The following LRRK1 variants were observed in gnomAD, a reference collection of about 807,000 sequenced individuals.
The protein encoded by LRRK1 is leucine-rich repeat serine/threonine-protein kinase 1.
A neutral mutation model predicts 209.1 loss-of-function variants in LRRK1; 113 were observed. The observed-to-expected ratio is 0.54, with a 90% CI of 0.46 to 0.63. The LOEUF is 0.63. Ranked by LOEUF, LRRK1 falls within the 30% of genes least tolerant of loss-of-function variation. The probability of loss-of-function intolerance (pLI) is 0.00; values close to 1 mark genes in which losing one functional copy is unlikely to be tolerated. For missense variants in LRRK1, 2,284 were observed against 2,632.2 expected (o/e 0.87, Z 2.89); for synonymous variants, 1,144 against 1,099.7 (o/e 1.04, Z -0.80).
rs1333204474 is a variant in LRRK1 at position 101,073,432 on chromosome 15, C to A, written c.*4584C>A. On this transcript the variant is annotated 3_prime_UTR_variant, in exon 34 of 34. Transcript: ENST00000388948. ...TCTGGGGAATGGGCAAGGACCCCAA[C>A]CCCTTCTCTCCGTGTCTCTACCCCT... 4 of 152,368 alleles carry A rather than the reference C, an allele frequency of 2.6e-5. No homozygotes were observed. The East Asian group carries it at 7.7e-4, about 29-fold the overall frequency. 9.4% of individuals were successfully genotyped at this position (152,368 alleles called of 1,614,324 possible).
At chr15:100,971,356 A>G (rs937940358) in intron 2 of LRRK1, among the ~76,000 whole-genome samples, 4 of 147,092 alleles carry the variant, frequency 2.7e-5, no homozygotes, top group East Asian at 1.9e-4. Flanking sequence ...AAAGAAAAGA[A>G]AAAGAAAAAG....
At chr15:101,023,421 G>A (rs557190162) in intron 15 of LRRK1, among the ~76,000 whole-genome samples, 1 of 152,308 alleles carries the variant, frequency 6.6e-6, no homozygotes, top group East Asian at 1.9e-4. Context: ...TCCTGTTCAT[G>A]TAACAGAGAA....
intron 24 of LRRK1, among the ~76,000 whole-genome samples, chr15:101,052,201 GC>G (rs2087175368): frequency 6.6e-6 from 1 of 152,220 alleles, no homozygotes; most frequent in Admixed American, 6.5e-5. Context: ...CTTTGCAAGT[GC>G]AGCCATCCTG....
chr15:101,012,166 T>C, intron 10 of LRRK1, 21 bp downstream of exon 10: 1 of 1,575,922 alleles, frequency 6.3e-7, no homozygotes, highest in South Asian at 1.2e-5. Flanking sequence ...TAGCCCTTTC[T>C]TTCTCATTTT....
chr15:100,974,800 A>G (rs1456336367), intron 3 of LRRK1, among the ~76,000 whole-genome samples: 1 of 152,234 alleles, frequency 6.6e-6, no homozygotes, highest in African/African-American at 2.4e-5. Context: ...TTTTCCAAAA[A>G]TCTTCTACAG....
chr15:101,063,321 G>A (rs938045558), intron 31 of LRRK1, among the ~76,000 whole-genome samples: 2 of 152,104 alleles, frequency 1.3e-5, no homozygotes, highest in East Asian at 1.9e-4. Context: ...TGCTGGGCCC[G>A]GCACCCTCCC....
chr15:101,053,451 G>T (rs766779531), intron 26 of LRRK1, 31 bp downstream of exon 26: 1 of 1,536,502 alleles, frequency 6.5e-7, no homozygotes, highest in Non-Finnish European at 8.7e-7. Flanking sequence ...ACCCGGCCCC[G>T]GAGACCGACA....
Position 101,053,183 on chromosome 15 carries a change from C to G in LRRK1, c.3857-40C>G, listed in dbSNP as rs373904472. The G allele has an allele frequency of 5.6e-6, 9 of 1,595,336 alleles. No homozygotes were observed. The African/African-American group carries it at 8.0e-5, about 14-fold the overall frequency. On this transcript the variant is annotated intron_variant, in intron 25 of 33. Coordinates refer to ENST00000388948, the MANE Select transcript of LRRK1 (RefSeq NM_024652.6). ...TTAGAGAGGCCTGAGGCTGCAGGCA[C>G]CCCATGTCCTACTGGCTGACACTGC...
chr15:100,956,728 G>C (rs1238758818), intron 2 of LRRK1, among the ~76,000 whole-genome samples: 1 of 152,034 alleles, frequency 6.6e-6, no homozygotes, highest in East Asian at 1.9e-4. Flanking sequence ...CTCCCAAAGT[G>C]CTGGGATTGC....
Position 101,014,333 on chromosome 15 carries a change from G to A in LRRK1, c.1437G>A (p.Arg479=). The change falls in exon 11 of 34, where the codon AGG becomes AGA. Residue 479 remains arginine, a synonymous_variant. Coordinates refer to ENST00000388948, the MANE Select transcript of LRRK1 (RefSeq NM_024652.6). ...LFQLDALMFL[R]LQGNQLAALP... ...TCTCTCAGGCCCTCATGTTCTTGAG[G>A]TTACAGGGGAACCAGCTGGCGGCAC... 1 of 1,613,422 alleles carries A rather than the reference G, an allele frequency of 6.2e-7. No homozygotes were observed. Among genetic ancestry groups the A allele is most frequent in the Non-Finnish European group, 8.5e-7 (1 of 1,179,578 alleles).
intron 6 of LRRK1, among the ~76,000 whole-genome samples, chr15:100,989,874 C>G (rs1386730150): frequency 6.6e-6 from 1 of 151,580 alleles, no homozygotes; most frequent in Admixed American, 6.6e-5. Flanking sequence ...TTTTTTTTCT[C>G]TTTTCCTTTT....
chr15:101,065,375 C>T lies in LRRK1; in HGVS notation c.4938C>T (p.Gly1646=), dbSNP rs1307467619. 3 of 1,613,758 alleles carry T rather than the reference C, an allele frequency of 1.9e-6. No individual in the cohort carries two copies. The highest frequency in any genetic ancestry group is 4.5e-5 in the East Asian group (2 of 44,898). ...AGAATTCCTACCTGGTCTTAGCGGG[C>T]CTCGCCGATGGGCTTGTGGCTGTGT... The part of the protein sequence containing the change: ...IKKNSYLVLA[G]LADGLVAVFP... The change falls in exon 32 of 34, where the codon GGC becomes GGT. Residue 1646 remains glycine (G), a synonymous_variant. Transcript: ENST00000388948.
intron 2 of LRRK1, among the ~76,000 whole-genome samples, chr15:100,927,783 T>C (rs2042141100): frequency 6.6e-6 from 1 of 152,254 alleles, no homozygotes; most frequent in African/African-American, 2.4e-5. Context: ...ATACCCATAC[T>C]CAGAGTTTTA....
chr15:100,939,099 A>G (rs28510554), intron 2 of LRRK1, among the ~76,000 whole-genome samples: 29,776 of 152,056 alleles, frequency 0.2, 3,136 homozygotes, highest in South Asian at 0.29. Context: ...ATCTCAAAAT[A>G]AATAAAAAAG....
chr15:101,056,853 C>T lies in LRRK1; in HGVS notation c.4333-3C>T, dbSNP rs747689188. 2 of 1,593,130 alleles carry T rather than the reference C, an allele frequency of 1.3e-6. No homozygotes were observed. Among genetic ancestry groups the T allele is most frequent in the Admixed American group, 1.7e-5 (1 of 57,292 alleles). The stretch of plus-strand genomic sequence containing the variant: ...GACCTGACTTGGCTTGTTCTGTGCC[C>T]AGGTAGATATGTTCTCCTATGGAAT... On this transcript the variant is annotated splice_polypyrimidine_tract_variant and splice_region_variant and intron_variant, in intron 27 of 33. Coordinates refer to ENST00000388948, the MANE Select transcript of LRRK1 (RefSeq NM_024652.6).
At chr15:100,922,239 T>G (rs2042033364) in intron 1 of LRRK1, among the ~76,000 whole-genome samples, 2 of 152,148 alleles carry the variant, frequency 1.3e-5, no homozygotes, top group Admixed American at 1.3e-4. Flanking sequence ...AAAGATCCGT[T>G]TGAGGGCAAA....
At position 101,010,499 on chromosome 15, in the gene LRRK1, G is replaced by A; in HGVS notation, c.1039G>A (p.Gly347Arg). ...SSNKLSHLPP[G>R]FLHLSKLQKL... ...CAACAAGTTGTCCCACCTCCCTCCT[G>A]GATTCTTGCACCTCTCAAAACTTCA... Residue 347 changes from glycine (G) to arginine (R), a missense_variant, in exon 8 of 34, where the codon GGA (glycine) becomes AGA (arginine). By Grantham distance (125) the Gly-to-Arg change is moderately radical. This residue lies in a region of LRRK1 where 494 missense variants were observed against 522.1 expected (regional missense o/e 0.95). Transcript: ENST00000388948. The A allele has an allele frequency of 2.5e-6, 4 of 1,612,180 alleles. No individual in the cohort carries two copies. Among genetic ancestry groups the A allele is most frequent in the Non-Finnish European group, 3.4e-6 (4 of 1,179,564 alleles).
intron 22 of LRRK1, chr15:101,049,397 C>T: frequency 9.3e-6 from 4 of 429,300 alleles, no homozygotes; most frequent in Non-Finnish European, 1.2e-5. Flanking sequence ...ACCTGAGGGT[C>T]AGCTCCCAGG....
At position 101,025,950 on chromosome 15, in the gene LRRK1, G is replaced by T. The variant is rs1196992641; in HGVS notation, c.2233-15G>T. 2.0e-5 allele frequency: 33 copies of T among 1,613,850 alleles called. No individual in the cohort carries two copies. The highest frequency in any genetic ancestry group is 2.5e-5 in the Non-Finnish European group (29 of 1,179,924). On this transcript the variant is annotated splice_polypyrimidine_tract_variant and intron_variant, in intron 16 of 33. Coordinates refer to ENST00000388948, the MANE Select transcript of LRRK1 (RefSeq NM_024652.6). ...GAACAGAGACAGTACTCAGCCGTGGGGTTCTCTGTTGCAGGCCAAGGCCCC... is the reference window on the plus strand; with the variant it reads ...GAACAGAGACAGTACTCAGCCGTGGTGTTCTCTGTTGCAGGCCAAGGCCCC...
Sources: allele counts gnomAD v4.1 joint callset (sites outside exome capture counted in the v4.1 genomes callset), GRCh38; gene constraint gnomAD v4.1.1; regional missense constraint gnomAD v4.1.1; transcripts MANE v1.5; gene names NCBI Gene and HGNC (gene_info 2026-07-23, HGNC 2026-07-21).